PLCB3: variants seen among roughly 807,000 people sequenced by gnomAD.
PLCB3 encodes the protein phospholipase C beta 3.
PLCB3 carries 54 observed loss-of-function variants against 152.1 expected under a neutral mutation model. The observed-to-expected ratio is 0.36, with a 90% CI of 0.29 to 0.45. The LOEUF (loss-of-function observed/expected upper bound fraction) is 0.45, where lower values mean the gene tolerates loss of function less well. Among genes scored for constraint, PLCB3 ranks in the 20% least tolerant of loss-of-function variants. The pLI is 1.00. For synonymous variants in PLCB3, 717 were observed against 698.7 expected (o/e 1.03, Z -0.41); for missense variants, 1,248 against 1,687.5 (o/e 0.74, Z 4.56).
Position 64,256,454 on chromosome 11 carries a change from C to G in PLCB3, c.777C>G (p.Leu259=). 2 of 1,613,836 alleles carry G rather than the reference C, an allele frequency of 1.2e-6. No homozygotes were observed. The highest frequency in any genetic ancestry group is 1.7e-6 in the Non-Finnish European group (2 of 1,180,028). Residue 259 remains leucine (L), a synonymous_variant, in exon 9 of 31, where the codon CTC becomes CTG. Coordinates refer to ENST00000279230, the MANE Select transcript of PLCB3 (RefSeq NM_000932.5). ...FINQKQRDPR[L]NEVLYPPLRP... ...ACCAGAAGCAACGCGACCCGAGACT[C>G]AACGAAGTGCTGTACCCGCCCCTGC...
chr11:64,258,553 G>C lies in PLCB3; in HGVS notation c.1093G>C (p.Val365Leu). Reference protein sequence around the residue: ...LWGCRCVELDVWKGRPPEEEP... With the variant: ...LWGCRCVELDLWKGRPPEEEP... The stretch of plus-strand genomic sequence containing the variant: ...GGGCTGCCGCTGCGTGGAGCTGGAC[G>C]TGTGGAAGGGACGGCCGCCTGAGGA... The change falls in exon 11 of 31, where the codon GTG (valine) becomes CTG (leucine). Residue 365 changes from valine to leucine, a missense_variant. Coordinates refer to ENST00000279230, the MANE Select transcript of PLCB3 (RefSeq NM_000932.5). This position sits in a 1 kb window ranked among gnomAD's most constrained non-coding sequence, Gnocchi z 7.2. 6.2e-7 allele frequency: 1 copy of C among 1,613,994 alleles called. No homozygotes were observed. The highest frequency in any genetic ancestry group is 8.5e-7 in the Non-Finnish European group (1 of 1,180,024).
rs1481210842 is a variant in PLCB3 at position 64,266,425 on chromosome 11, G to A, written c.3356+21G>A. ...GAGGCGTAAGGGCACCGGGACCGGG[G>A]GCCATCTGGGTACTGGGGAGGCAGG... is the stretch of plus-strand genomic sequence containing the variant. On this transcript the variant is annotated intron_variant, in intron 28 of 30. Transcript: ENST00000279230. The surrounding 1 kb of genome is among the most constrained non-coding windows in gnomAD (Gnocchi z 4.9). 3.1e-6 allele frequency: 5 copies of A among 1,599,478 alleles called. No homozygotes were observed. The African/African-American group carries it at 4.0e-5, about 13-fold the overall frequency.
Position 64,251,549 on chromosome 11 carries a change from CA to C in PLCB3, c.-100del. 8.7e-6 allele frequency: 3 copies of C among 344,598 alleles called. No homozygotes were observed. Among genetic ancestry groups the C allele is most frequent in the Non-Finnish European group, 9.4e-6 (2 of 211,796 alleles). 21.3% of individuals were successfully genotyped at this position (344,598 alleles called of 1,614,324 possible). ...CGGGACAGACTGGCGGGCGGGCGGG[CA>C]CTGACGCCGCGGGGCCGGAGCGGGC... On this transcript the variant is annotated 5_prime_UTR_variant, in exon 1 of 31. Coordinates refer to ENST00000279230, the MANE Select transcript of PLCB3 (RefSeq NM_000932.5).
Position 64,259,216 on chromosome 11 carries a change from G to T in PLCB3, c.1497G>T (p.Ala499=). The T allele has an allele frequency of 6.4e-7, 1 of 1,558,058 alleles. No individual in the cohort carries two copies. The highest frequency in any genetic ancestry group is 8.7e-7 in the Non-Finnish European group (1 of 1,153,128). Residue 499 remains alanine (A), a synonymous_variant, in exon 13 of 31, where the codon GCG becomes GCT. Transcript: ENST00000279230. ...QSNSALSESS[A]ATEPSSPQLG... ...ATTCTGCCCTGAGCGAGAGCTCCGC[G>T]GCCACCGAGCCCTCCTCCCCGCAGC... is the stretch of plus-strand genomic sequence containing the variant.
rs764499154 is a variant in PLCB3 at position 64,256,506 on chromosome 11, G to A, written c.829G>A (p.Glu277Lys). The A allele has an allele frequency of 2.0e-5, 32 of 1,613,776 alleles. No individual in the cohort carries two copies. The highest frequency in any genetic ancestry group is 6.7e-5 in the Admixed American group (4 of 59,998). Residue 277 changes from glutamate to lysine, a missense_variant, in exon 9 of 31, where the codon GAA becomes AAA. Glu to Lys is a moderately conservative substitution (Grantham distance 56). Coordinates refer to ENST00000279230, the MANE Select transcript of PLCB3 (RefSeq NM_000932.5). ...LRPSQARLLI[E>K]KYEPNQQFLE... ...GCCCTCCCAGGCCCGGCTGCTCATC[G>A]AAAAGTATGAGCCCAACCAGCAGTT... is the stretch of plus-strand genomic sequence containing the variant.
chr11:64,265,228 G>T lies in PLCB3; in HGVS notation c.2842+1G>T, dbSNP rs1466319820. On this transcript the variant is annotated splice_donor_variant, in intron 24 of 30. Coordinates refer to ENST00000279230, the MANE Select transcript of PLCB3 (RefSeq NM_000932.5). LOFTEE classifies it high-confidence loss of function. Reference sequence around the variant, plus strand: ...GATCTCATCGCCAGCATCCTCTCAGGTAGGGGGCGGGGTACCTGGAGGCAG... The same window carrying T: ...GATCTCATCGCCAGCATCCTCTCAGTTAGGGGGCGGGGTACCTGGAGGCAG... 2 of 1,599,002 alleles carry T rather than the reference G, an allele frequency of 1.3e-6. No individual in the cohort carries two copies. The highest frequency in any genetic ancestry group is 8.5e-7 in the Non-Finnish European group (1 of 1,172,208).
intron 19 of PLCB3, 144 bp from the exon 20 acceptor site, chr11:64,263,354 T>C: frequency 1.6e-6 from 1 of 608,898 alleles, no homozygotes; most frequent in Non-Finnish European, 2.9e-6. Context: ...GCCATCAGCT[T>C]AGTGGCAATG....
At chr11:64,253,905 A>G (rs951264296) in intron 1 of PLCB3, among the ~76,000 whole-genome samples, 1 of 152,176 alleles carries the variant, frequency 6.6e-6, no homozygotes, top group Non-Finnish European at 1.5e-5. Context: ...GAGGCAGACC[A>G]CAGGGCTATC....
Position 64,258,636 on chromosome 11 carries a change from G to A in PLCB3, c.1176G>A (p.Val392=). The A allele has an allele frequency of 1.2e-6, 2 of 1,614,008 alleles. No individual in the cohort carries two copies. Among genetic ancestry groups the A allele is most frequent in the Non-Finnish European group, 1.7e-6 (2 of 1,179,994 alleles). Reference sequence around the variant, plus strand: ...CCACAGAGGTGCCTCTGCGCGACGTGCTGGAGGCCATTGCCGAGACTGCCT... The same window carrying A: ...CCACAGAGGTGCCTCTGCGCGACGTACTGGAGGCCATTGCCGAGACTGCCT... ...TMTTEVPLRD[V]LEAIAETAFK... Residue 392 remains valine, a synonymous_variant, in exon 11 of 31, where the codon GTG becomes GTA. Coordinates refer to ENST00000279230, the MANE Select transcript of PLCB3 (RefSeq NM_000932.5). This position sits in a 1 kb window ranked among gnomAD's most constrained non-coding sequence, Gnocchi z 7.2.
Position 64,255,911 on chromosome 11 carries a change from T to C in PLCB3, c.698+90T>C, listed in dbSNP as rs1322488464. On this transcript the variant is annotated intron_variant, in intron 8 of 30. Transcript: ENST00000279230. This position sits in a 1 kb window ranked among gnomAD's most constrained non-coding sequence, Gnocchi z 6.8. ...CTAGCTCAATGGGGAGAGGGGAAAC[T>C]GGTGGGCCGGGTCCTGGAGCGCCAG... The C allele has an allele frequency of 5.8e-6, 6 of 1,032,434 alleles. No homozygotes were observed. Among genetic ancestry groups the C allele is most frequent in the Non-Finnish European group, 9.1e-6 (6 of 659,462 alleles). 64.0% of individuals were successfully genotyped at this position (1,032,434 alleles called of 1,614,324 possible).
Position 64,254,890 on chromosome 11 carries a change from C to T in PLCB3, c.247-8C>T. On this transcript the variant is annotated splice_region_variant and splice_polypyrimidine_tract_variant and intron_variant, in intron 3 of 30. Coordinates refer to ENST00000279230, the MANE Select transcript of PLCB3 (RefSeq NM_000932.5). ...CCCCCTCTTCACCCTTCGCTGTCAC[C>T]TACTCAGGACCCCAAGATCCGGGAA... 6.2e-7 allele frequency: 1 copy of T among 1,608,934 alleles called. No individual in the cohort carries two copies. The highest frequency in any genetic ancestry group is 1.1e-5 in the South Asian group (1 of 90,726).
chr11:64,262,132 C>T, intron 17 of PLCB3, 56 bp downstream of exon 17: 3 of 1,607,796 alleles, frequency 1.9e-6, no homozygotes, highest in Non-Finnish European at 2.6e-6. Flanking sequence ...TGACTTCTGA[C>T]CCACGATCCT....
At chr11:64,257,600 A>C (rs1409655655) in intron 10 of PLCB3, among the ~76,000 whole-genome samples, 2 of 151,884 alleles carry the variant, frequency 1.3e-5, no homozygotes, top group Non-Finnish European at 2.9e-5. Context: ...CCTGGGTGAC[A>C]GAGTGAGAGA....
At chr11:64,262,610 C>G in intron 18 of PLCB3, 37 bp from the exon 19 acceptor site, 1 of 1,612,482 alleles carries the variant, frequency 6.2e-7, no homozygotes, top group Non-Finnish European at 8.5e-7. Flanking sequence ...GGGCAGGACT[C>G]TCAGCATCCG....
At position 64,258,981 on chromosome 11, in the gene PLCB3, C is replaced by T. The variant is rs60157499; in HGVS notation, c.1338+12C>T. 742 of 1,613,762 alleles carry T rather than the reference C, an allele frequency of 4.6e-4. 3 individuals carry two copies. The African/African-American group carries it at 8.5e-3, about 19-fold the overall frequency. On this transcript the variant is annotated intron_variant, in intron 12 of 30. Coordinates refer to ENST00000279230, the MANE Select transcript of PLCB3 (RefSeq NM_000932.5). The surrounding 1 kb of genome is among the most constrained non-coding windows in gnomAD (Gnocchi z 7.2). ...TGGACAAGTACCCGGTACGGGAGCTCGGAGCGAGGGGGGTGGCATGGGGGC... is the reference window on the plus strand; with the variant it reads ...TGGACAAGTACCCGGTACGGGAGCTTGGAGCGAGGGGGGTGGCATGGGGGC...
intron 8 of PLCB3, 117 bp from the exon 9 acceptor site, chr11:64,256,259 C>A: frequency 2.3e-6 from 2 of 860,410 alleles, no homozygotes; most frequent in Non-Finnish European, 3.6e-6. Flanking sequence ...GAGTCCCACT[C>A]ACTGGGTGCC....
At chr11:64,262,281 G>T (rs1323368299) in intron 17 of PLCB3, 126 bp from the exon 18 acceptor site, 9 of 1,328,022 alleles carry the variant, frequency 6.8e-6, no homozygotes, top group African/African-American at 1.4e-5. Context: ...TCCGGACCCT[G>T]ATGCCATTTG....
rs1175101951 is a variant in PLCB3, at chr11:64,261,667, T to C, written c.1913+2T>C. Reference sequence around the variant, plus strand: ...CAAGAGCCCCATGGAGTTTGTGGAGTATCCTTTGAAGGTGCTGTGGGCGGG... The same window carrying C: ...CAAGAGCCCCATGGAGTTTGTGGAGCATCCTTTGAAGGTGCTGTGGGCGGG... On this transcript the variant is annotated splice_donor_variant, in intron 16 of 30. Coordinates refer to ENST00000279230, the MANE Select transcript of PLCB3 (RefSeq NM_000932.5). LOFTEE classifies it high-confidence loss of function. 1 of 1,613,314 alleles carries C rather than the reference T, an allele frequency of 6.2e-7. No individual in the cohort carries two copies. Among genetic ancestry groups the C allele is most frequent in the African/African-American group, 1.3e-5 (1 of 74,962 alleles).
Position 64,260,065 on chromosome 11 carries a change from A to G in PLCB3, c.1562A>G (p.Asn521Ser), listed in dbSNP as rs1236195612. Residue 521 changes from asparagine to serine, a missense_variant, in exon 14 of 31, where the codon AAT becomes AGT. Transcript: ENST00000279230. Reference protein sequence around the residue: ...PSSDSCPGLSNGEEVGLEKPS... With the variant: ...PSSDSCPGLSSGEEVGLEKPS... ...TCTGACAGCTGCCCAGGCCTGAGCA[A>G]TGGGGAGGAGGTAGGGCTTGAGAAG... 9 of 1,611,782 alleles carry G rather than the reference A, an allele frequency of 5.6e-6. No individual in the cohort carries two copies. The highest frequency in any genetic ancestry group is 4.4e-5 in the South Asian group (4 of 90,832).
Sources: allele counts gnomAD v4.1 joint callset (sites outside exome capture counted in the v4.1 genomes callset), GRCh38; gene constraint gnomAD v4.1.1; non-coding constraint Gnocchi (gnomAD v3.1); transcripts MANE v1.5; gene names NCBI Gene and HGNC (gene_info 2026-07-23, HGNC 2026-07-21).